Variants in ZNF804A observed in about 807,000 individuals in gnomAD.
ZNF804A encodes zinc finger protein 804A.
ZNF804A carries 2 observed loss-of-function variants against 16.5 expected under a neutral mutation model. The observed-to-expected ratio is 0.12, with a 90% CI of 0.05 to 0.38. The LOEUF (loss-of-function observed/expected upper bound fraction) is 0.38. Ranked by LOEUF, ZNF804A falls within the 10% of genes least tolerant of loss-of-function variation. The pLI is 0.99. For synonymous variants in ZNF804A, 534 were observed against 489.6 expected (o/e 1.09, Z -1.20); for missense variants, 1,473 against 1,390.7 (o/e 1.06, Z -0.94).
At chr2:184,725,060 T>C (rs992221943) in intron 1 of ZNF804A, among the ~76,000 whole-genome samples, 5 of 151,740 alleles carry the variant, frequency 3.3e-5, no homozygotes, top group African/African-American at 1.2e-4. Flanking sequence ...GCTTTCACTA[T>C]TGAATATTAG....
chr2:184,745,647 C>G (rs191844916), intron 1 of ZNF804A, among the ~76,000 whole-genome samples: 22 of 151,450 alleles, frequency 1.5e-4, no homozygotes, highest in Non-Finnish European at 8.9e-5. Context: ...TTTAATTTTT[C>G]TTCTCTAGGC....
At chr2:184,844,206 T>C (rs1203021477) in intron 1 of ZNF804A, among the ~76,000 whole-genome samples, 1 of 151,510 alleles carries the variant, frequency 6.6e-6, no homozygotes. Context: ...ATTGCTGTGA[T>C]TCATTTCATT....
At chr2:184,878,414 C>T (rs1684748214) in intron 2 of ZNF804A, among the ~76,000 whole-genome samples, 1 of 151,990 alleles carries the variant, frequency 6.6e-6, no homozygotes, top group Admixed American at 6.6e-5. Flanking sequence ...TAGCTTCCGA[C>T]TTCAATAATG....
At chr2:184,763,288 G>T (rs1249367047) in intron 1 of ZNF804A, among the ~76,000 whole-genome samples, 1 of 152,078 alleles carries the variant, frequency 6.6e-6, no homozygotes, top group Non-Finnish European at 1.5e-5. Flanking sequence ...AATATGACCA[G>T]CGTCTTTATA....
At chr2:184,923,199 AC>A (rs1185381878) in intron 2 of ZNF804A, among the ~76,000 whole-genome samples, 1 of 151,964 alleles carries the variant, frequency 6.6e-6, no homozygotes, top group African/African-American at 2.4e-5. Context: ...ATACATTTCT[AC>A]TTTTTGGAGT....
chr2:184,836,648 G>T (rs1695349919), intron 1 of ZNF804A, among the ~76,000 whole-genome samples: 1 of 151,240 alleles, frequency 6.6e-6, no homozygotes, highest in African/African-American at 2.4e-5. Flanking sequence ...TAGATACATA[G>T]ATATTATATA....
At chr2:184,707,097 T>C (rs1693043391) in intron 1 of ZNF804A, among the ~76,000 whole-genome samples, 1 of 152,178 alleles carries the variant, frequency 6.6e-6, no homozygotes. Flanking sequence ...TTGTATTGAC[T>C]CATTAGGACT....
At chr2:184,749,294 A>G (rs1034382873) in intron 1 of ZNF804A, among the ~76,000 whole-genome samples, 5 of 151,328 alleles carry the variant, frequency 3.3e-5, no homozygotes, top group Middle Eastern at 3.4e-3. Flanking sequence ...TCTTTCAACA[A>G]TTTGGTTAGC....
intron 1 of ZNF804A, among the ~76,000 whole-genome samples, chr2:184,834,713 A>G (rs567121407): frequency 6.6e-6 from 1 of 152,222 alleles, no homozygotes; most frequent in Admixed American, 6.5e-5. Context: ...AATTTATCTG[A>G]AGCCTGAGGT....
chr2:184,792,041 AT>A (rs1387529824), intron 1 of ZNF804A, among the ~76,000 whole-genome samples: 1 of 152,166 alleles, frequency 6.6e-6, no homozygotes, highest in African/African-American at 2.4e-5. Flanking sequence ...CATTGTCTAA[AT>A]GTACAACAGT....
chr2:184,758,458 C>T (rs1384791233), intron 1 of ZNF804A, among the ~76,000 whole-genome samples: 1 of 151,848 alleles, frequency 6.6e-6, no homozygotes, highest in East Asian at 1.9e-4. Flanking sequence ...CTATAATTAA[C>T]TGAATTTAAC....
chr2:184,936,228 T>C lies in ZNF804A; in HGVS notation c.832T>C (p.Phe278Leu). The C allele has an allele frequency of 1.2e-6, 2 of 1,613,988 alleles. No homozygotes were observed. The highest frequency in any genetic ancestry group is 2.2e-5 in the East Asian group (1 of 44,844). Residue 278 changes from phenylalanine to leucine, a missense_variant, in exon 4 of 4, where the codon TTT becomes CTT. Physicochemically the swap from Phe to Leu is conservative, Grantham distance 22. Transcript: ENST00000302277. ...GAGTTCTGAGGAGAAAACTAACTCT[T>C]TTCATCCACCAGAGGCAATGTGCAG... ...LLSSEEKTNSFHPPEAMCRDK... is the reference protein window; with the variant it reads ...LLSSEEKTNSLHPPEAMCRDK...
At position 184,820,549 on chromosome 2, in the gene ZNF804A, A is replaced by G. The variant is rs1457939840; in HGVS notation, c.112-45820A>G. Among the ~76,000 whole-genome samples the G allele has an allele frequency of 2.0e-5, 3 of 152,232 alleles. No individual in the cohort carries two copies. The East Asian group carries it at 5.8e-4, about 29-fold the overall frequency. On this transcript the variant is annotated intron_variant, in intron 1 of 3. Coordinates refer to ENST00000302277, the MANE Select transcript of ZNF804A (RefSeq NM_194250.2). ...TCTCACCACTGCTATTCAACATAGTATTGGAAGTTCTTGCAAGGACAATCA... is the reference window on the plus strand; with the variant it reads ...TCTCACCACTGCTATTCAACATAGTGTTGGAAGTTCTTGCAAGGACAATCA...
intron 1 of ZNF804A, among the ~76,000 whole-genome samples, chr2:184,683,743 A>G (rs1692578858): frequency 6.6e-6 from 1 of 152,214 alleles, no homozygotes; most frequent in South Asian, 2.1e-4. Context: ...ATATGAGAAT[A>G]TGGAAAAGTA....
At chr2:184,628,276 T>C (rs971925807) in intron 1 of ZNF804A, among the ~76,000 whole-genome samples, 4 of 151,518 alleles carry the variant, frequency 2.6e-5, no homozygotes, top group Non-Finnish European at 4.4e-5. Context: ...TATTGTGCCA[T>C]TGCAACAGCC....
chr2:184,741,998 T>C (rs1390247966), intron 1 of ZNF804A, among the ~76,000 whole-genome samples: 1 of 152,098 alleles, frequency 6.6e-6, no homozygotes, highest in Non-Finnish European at 1.5e-5. Flanking sequence ...TTTTAATTTA[T>C]ATATTCAGTC....
intron 1 of ZNF804A, among the ~76,000 whole-genome samples, chr2:184,861,128 C>A (rs1359347586): frequency 1.3e-5 from 2 of 152,196 alleles, no homozygotes; most frequent in African/African-American, 4.8e-5. Flanking sequence ...CTCTGGGGCC[C>A]TGCCCAGCAT....
intron 1 of ZNF804A, among the ~76,000 whole-genome samples, chr2:184,607,524 C>T (rs1559106544): frequency 6.6e-6 from 1 of 152,042 alleles, no homozygotes; most frequent in Non-Finnish European, 1.5e-5. Context: ...TGAGAACTCA[C>T]TATCATGACA....
At chr2:184,807,034 T>C (rs1015764944) in intron 1 of ZNF804A, among the ~76,000 whole-genome samples, 2 of 151,824 alleles carry the variant, frequency 1.3e-5, no homozygotes, top group African/African-American at 4.8e-5. Flanking sequence ...AGTGTTATAT[T>C]GTCTCTGCTC....
Sources: allele counts gnomAD v4.1 joint callset (sites outside exome capture counted in the v4.1 genomes callset), GRCh38; gene constraint gnomAD v4.1.1; transcripts MANE v1.5; gene names NCBI Gene and HGNC (gene_info 2026-07-23, HGNC 2026-07-21).